The following RAB22A variants were observed in gnomAD, a reference collection of about 807,000 sequenced individuals.
RAB22A encodes the protein RAB22A, member RAS oncogene family, also known as ras-related protein Rab-22A.
RAB22A carries 13 observed loss-of-function variants against 30.2 expected under a neutral mutation model. The observed-to-expected ratio is 0.43, with a 90% CI of 0.28 to 0.68. The LOEUF (loss-of-function observed/expected upper bound fraction) is 0.68. Among genes scored for constraint, RAB22A ranks in the 30% least tolerant of loss-of-function variants. RAB22A has a pLI of 0.18. For synonymous variants in RAB22A, 89 were observed against 87.2 expected, an observed-to-expected ratio of 1.02 and a Z score of -0.11; for missense variants, 177 against 246.8, an observed-to-expected ratio of 0.72 and a Z score of 1.89.
chr20:58,354,915 C>G (rs2122969688), intron 6 of RAB22A, among the ~76,000 whole-genome samples: 1 of 152,156 alleles, frequency 6.6e-6, no homozygotes, highest in South Asian at 2.1e-4. Flanking sequence ...ACAGTGAACA[C>G]CAAATAAATA....
intron 2 of RAB22A, among the ~76,000 whole-genome samples, chr20:58,334,300 A>C (rs2071379005): frequency 6.6e-6 from 1 of 151,862 alleles, no homozygotes; most frequent in South Asian, 2.1e-4. Context: ...GCACCACTGT[A>C]CTGCAGCCTG....
intron 3 of RAB22A, among the ~76,000 whole-genome samples, chr20:58,349,185 G>A (rs1357919396): frequency 6.6e-6 from 1 of 152,118 alleles, no homozygotes; most frequent in African/African-American, 2.4e-5. Flanking sequence ...ATAAACTCCA[G>A]ACAAAGCTTT....
chr20:58,351,786 C>T (rs1453267954), intron 3 of RAB22A, among the ~76,000 whole-genome samples: 2 of 152,206 alleles, frequency 1.3e-5, no homozygotes, highest in African/African-American at 4.8e-5. Context: ...GCACTCCAGC[C>T]TAGACAACAA....
chr20:58,359,373 C>T (rs1460277297), intron 6 of RAB22A, among the ~76,000 whole-genome samples: 1 of 151,868 alleles, frequency 6.6e-6, no homozygotes, highest in East Asian at 1.9e-4. Context: ...TTCATTTTGA[C>T]AAATGTCCCA....
chr20:58,345,010 C>G (rs1213797577), intron 3 of RAB22A, among the ~76,000 whole-genome samples: 1 of 152,152 alleles, frequency 6.6e-6, no homozygotes, highest in South Asian at 2.1e-4. Context: ...CCTTTGCTAA[C>G]CATCCCTCTT....
chr20:58,319,640 G>C (rs1427149412), intron 2 of RAB22A, among the ~76,000 whole-genome samples: 1 of 152,118 alleles, frequency 6.6e-6, no homozygotes, highest in Non-Finnish European at 1.5e-5. Context: ...GACCAATTTG[G>C]GAAGAATTGT....
At chr20:58,329,384 G>A (rs11696414) in intron 2 of RAB22A, among the ~76,000 whole-genome samples, 1 of 152,032 alleles carries the variant, frequency 6.6e-6, no homozygotes, top group Non-Finnish European at 1.5e-5. Flanking sequence ...GTTTTTGCTA[G>A]ATGTAGATTT....
In RAB22A at chr20:58,364,151, A is replaced by G. The variant is rs899940544; in HGVS notation, c.*4448A>G. ...TCCATTTTTTCAGTCTAAGAGAATG[A>G]TAAGTGAGAGGCCTATTGTGATGAA... On this transcript the variant is annotated 3_prime_UTR_variant, in exon 7 of 7. Transcript: ENST00000244040. 2.6e-5 allele frequency: 4 copies of G among 152,672 alleles called. No homozygotes were observed. Among genetic ancestry groups the G allele is most frequent in the Non-Finnish European group, 5.9e-5 (4 of 68,042 alleles). The allele number at this position is 152,672 out of a possible 1,614,324, so 9.5% of individuals were successfully genotyped here.
intron 6 of RAB22A, among the ~76,000 whole-genome samples, chr20:58,354,880 G>C (rs1987107226): frequency 6.6e-6 from 1 of 152,204 alleles, no homozygotes; most frequent in South Asian, 2.1e-4. Flanking sequence ...CTCTCCTGGA[G>C]CGCACATTCT....
chr20:58,351,252 C>G (rs1987043725), intron 3 of RAB22A, among the ~76,000 whole-genome samples: 1 of 151,508 alleles, frequency 6.6e-6, no homozygotes, highest in South Asian at 2.1e-4. Flanking sequence ...ACAAGAATTG[C>G]TTGAACCCGG....
In RAB22A at chr20:58,343,706, C is replaced by A; in HGVS notation, c.117-12C>A. On this transcript the variant is annotated splice_polypyrimidine_tract_variant and intron_variant, in intron 2 of 6. Coordinates refer to ENST00000244040, the MANE Select transcript of RAB22A (RefSeq NM_020673.3). Reference sequence around the variant, plus strand: ...ATAATTGTATTCTGATCATTTAGGTCTCTCTTTATAGGGCATCTTTTATGA... The same window carrying A: ...ATAATTGTATTCTGATCATTTAGGTATCTCTTTATAGGGCATCTTTTATGA... 6.3e-7 allele frequency: 1 copy of A among 1,590,994 alleles called. No individual in the cohort carries two copies. The highest frequency in any genetic ancestry group is 8.6e-7 in the Non-Finnish European group (1 of 1,159,388).
chr20:58,354,240 C>T lies in RAB22A; in HGVS notation c.462C>T (p.Asn154=), dbSNP rs1987099174. 2.5e-6 allele frequency: 4 copies of T among 1,612,650 alleles called. No individual in the cohort carries two copies. Among genetic ancestry groups the T allele is most frequent in the Non-Finnish European group, 3.4e-6 (4 of 1,179,008 alleles). The part of the protein sequence containing the change: ...FVETSAKNAI[N]INELFIEISR... Reference sequence around the variant, plus strand: ...AGACCAGCGCAAAAAACGCGATAAACATAAATGAACTCTTTATAGAAATTA... The same window carrying T: ...AGACCAGCGCAAAAAACGCGATAAATATAAATGAACTCTTTATAGAAATTA... Residue 154 remains asparagine, a synonymous_variant, in exon 6 of 7, where the codon AAC becomes AAT. Coordinates refer to ENST00000244040, the MANE Select transcript of RAB22A (RefSeq NM_020673.3).
intron 2 of RAB22A, among the ~76,000 whole-genome samples, chr20:58,314,708 G>A (rs1568863191): frequency 6.6e-6 from 1 of 151,982 alleles, no homozygotes; most frequent in Non-Finnish European, 1.5e-5. Flanking sequence ...AGATGTGATG[G>A]CACACACCTG....
At chr20:58,317,528 T>C (rs1438756392) in intron 2 of RAB22A, among the ~76,000 whole-genome samples, 1 of 151,750 alleles carries the variant, frequency 6.6e-6, no homozygotes, top group Non-Finnish European at 1.5e-5. Flanking sequence ...CCATGGATAC[T>C]AGAACTCAAT....
At chr20:58,353,685 A>G (rs1269092086) in intron 5 of RAB22A, 147 bp downstream of exon 5, 1 of 719,120 alleles carries the variant, frequency 1.4e-6, no homozygotes, top group Non-Finnish European at 2.3e-6. Flanking sequence ...AAATTTTTAA[A>G]CTAAAATTAA....
intron 3 of RAB22A, among the ~76,000 whole-genome samples, chr20:58,344,485 T>C (rs1004455783): frequency 6.6e-6 from 1 of 152,122 alleles, no homozygotes; most frequent in African/African-American, 2.4e-5. Flanking sequence ...TCCCCTTTGC[T>C]CTGGGTACTA....
At chr20:58,311,461 G>A (rs1187199640) in intron 2 of RAB22A, among the ~76,000 whole-genome samples, 1 of 152,168 alleles carries the variant, frequency 6.6e-6, no homozygotes, top group East Asian at 1.9e-4. Flanking sequence ...ATTCTTTCAG[G>A]CATATCAAGT....
chr20:58,312,563 A>G (rs1209108077), intron 2 of RAB22A, among the ~76,000 whole-genome samples: 2 of 129,268 alleles, frequency 1.5e-5, no homozygotes, highest in African/African-American at 6.0e-5. Context: ...ATCTTGGCTC[A>G]CTGCAAGCTC....
chr20:58,331,797 G>C (rs1986665087), intron 2 of RAB22A, among the ~76,000 whole-genome samples: 1 of 151,932 alleles, frequency 6.6e-6, no homozygotes, highest in African/African-American at 2.4e-5. Context: ...CATAGTCTGT[G>C]TCTCTTCCTA....
Sources: allele counts gnomAD v4.1 joint callset (sites outside exome capture counted in the v4.1 genomes callset), GRCh38; gene constraint gnomAD v4.1.1; transcripts MANE v1.5; gene names NCBI Gene and HGNC (gene_info 2026-07-23, HGNC 2026-07-21).